Variants in UTRN observed in about 807,000 individuals in gnomAD.
UTRN encodes the protein utrophin.
Under a neutral mutation model 463.9 loss-of-function variants are expected in UTRN, and 283 were observed. That is an observed-to-expected ratio of 0.61 (90% CI 0.55 to 0.67). The LOEUF (loss-of-function observed/expected upper bound fraction) is 0.67. Ranked by LOEUF, UTRN falls within the 30% of genes least tolerant of loss-of-function variation. UTRN has a pLI of 0.00. For synonymous variants in UTRN, 1,442 were observed against 1,431.5 expected (o/e 1.01, Z -0.17); for missense variants, 3,922 against 4,084.3 (o/e 0.96, Z 1.08).
chr6:144,412,531 AT>A (rs1423173223), intron 3 of UTRN, among the ~76,000 whole-genome samples: 2 of 152,206 alleles, frequency 1.3e-5, no homozygotes, highest in East Asian at 3.9e-4. Flanking sequence ...GCATTAAATT[AT>A]TTCTTTTTGA....
At chr6:144,470,186 A>G (rs78272003) in intron 23 of UTRN, among the ~76,000 whole-genome samples, 1 of 152,148 alleles carries the variant, frequency 6.6e-6, no homozygotes, top group Non-Finnish European at 1.5e-5. Flanking sequence ...TGCCATCGTC[A>G]TCATGGCCCG....
intron 21 of UTRN, among the ~76,000 whole-genome samples, chr6:144,459,820 G>A (rs890004749): frequency 6.6e-6 from 1 of 151,878 alleles, no homozygotes. Context: ...GAACTCCTGG[G>A]CTCAAGTGAT....
chr6:144,410,665 A>T (rs1320475565), intron 3 of UTRN, among the ~76,000 whole-genome samples: 1 of 152,034 alleles, frequency 6.6e-6, no homozygotes, highest in Non-Finnish European at 1.5e-5. Flanking sequence ...ATGAGTCAGA[A>T]CATATGATGT....
At chr6:144,432,744 G>A (rs1314238080) in intron 9 of UTRN, among the ~76,000 whole-genome samples, 1 of 151,732 alleles carries the variant, frequency 6.6e-6, no homozygotes, top group Non-Finnish European at 1.5e-5. Context: ...GGGGGATTTG[G>A]CAGGGTCACA....
intron 51 of UTRN, among the ~76,000 whole-genome samples, chr6:144,633,882 C>G (rs1221548480): frequency 6.6e-6 from 1 of 152,206 alleles, no homozygotes; most frequent in Non-Finnish European, 1.5e-5. Context: ...TATTTCCTCA[C>G]TACTTGACTG....
chr6:144,631,501 G>C (rs1418784916), intron 51 of UTRN, among the ~76,000 whole-genome samples: 1 of 152,140 alleles, frequency 6.6e-6, no homozygotes, highest in African/African-American at 2.4e-5. Flanking sequence ...TGACTAATTT[G>C]TGGGGATACA....
intron 51 of UTRN, among the ~76,000 whole-genome samples, chr6:144,653,608 A>C (rs2128668346): frequency 6.6e-6 from 1 of 151,646 alleles, no homozygotes; most frequent in East Asian, 1.9e-4. Context: ...AAAAGAAATT[A>C]TCTCTCTTTT....
intron 41 of UTRN, among the ~76,000 whole-genome samples, chr6:144,526,647 T>A (rs1301348686): frequency 6.6e-6 from 1 of 152,130 alleles, no homozygotes; most frequent in Non-Finnish European, 1.5e-5. Flanking sequence ...CTATTCCGTA[T>A]CTTTTAAATG....
At chr6:144,593,898 C>T (rs1803372201) in intron 51 of UTRN, among the ~76,000 whole-genome samples, 1 of 152,098 alleles carries the variant, frequency 6.6e-6, no homozygotes, top group African/African-American at 2.4e-5. Flanking sequence ...CAAACACAGA[C>T]AGCATTTCCA....
intron 2 of UTRN, among the ~76,000 whole-genome samples, chr6:144,354,644 C>T (rs1325786114): frequency 1.3e-5 from 2 of 152,156 alleles, no homozygotes; most frequent in African/African-American, 4.8e-5. Flanking sequence ...CGGGCCTGTC[C>T]TCATGGTTCA....
chr6:144,427,951 A>G (rs769787763), intron 7 of UTRN, among the ~76,000 whole-genome samples: 13 of 152,168 alleles, frequency 8.5e-5, no homozygotes, highest in Non-Finnish European at 1.5e-4. Flanking sequence ...AATACATCAG[A>G]CAAGAGCAGA....
At chr6:144,579,579 T>C (rs1801764856) in intron 51 of UTRN, among the ~76,000 whole-genome samples, 1 of 152,218 alleles carries the variant, frequency 6.6e-6, no homozygotes, top group Non-Finnish European at 1.5e-5. Context: ...CTCTTCTCAA[T>C]ATTTAATGAA....
At chr6:144,818,618 A>C (rs1779289298) in intron 65 of UTRN, among the ~76,000 whole-genome samples, 1 of 152,252 alleles carries the variant, frequency 6.6e-6, no homozygotes, top group Admixed American at 6.5e-5. Context: ...ACAGTGTACT[A>C]AGAACAGACA....
Position 144,840,288 on chromosome 6 carries a change from A to G in UTRN, c.10178-452A>G, listed in dbSNP as rs191819076. On this transcript the variant is annotated intron_variant, in intron 72 of 74. Transcript: ENST00000367545. ...TAAAAAACACATCCTAGTGAAAAGT[A>G]TCTTAAATAAGATGCCTTTACTTTT... 8.9e-4 allele frequency among the ~76,000 whole-genome samples: 136 copies of G among 152,304 alleles called. 1 individual carries two copies. Among genetic ancestry groups the G allele is most frequent in the East Asian group, 7.7e-4 (4 of 5,192 alleles).
In UTRN at chr6:144,437,532, T is replaced by A. The variant is rs140234969; in HGVS notation, c.1060-33T>A. The A allele has an allele frequency of 1.5e-4, 225 of 1,548,016 alleles. No individual in the cohort carries two copies. In the African/African-American group the frequency reaches 2.7e-3, roughly 18 times the overall value. On this transcript the variant is annotated intron_variant, in intron 10 of 74. Coordinates refer to ENST00000367545, the MANE Select transcript of UTRN (RefSeq NM_007124.3). ...CTTCCTTTTTTTTTTTTGCACTGAG[T>A]AGCTCACAAATTATAACAATGTCCC...
chr6:144,533,504 G>A (rs1203605807), intron 43 of UTRN, among the ~76,000 whole-genome samples: 2 of 151,930 alleles, frequency 1.3e-5, no homozygotes, highest in African/African-American at 4.8e-5. Flanking sequence ...ATTTACAACT[G>A]CTTATTATGA....
At chr6:144,478,982 A>G (rs2128572318) in intron 25 of UTRN, among the ~76,000 whole-genome samples, 1 of 152,242 alleles carries the variant, frequency 6.6e-6, no homozygotes, top group African/African-American at 2.4e-5. Context: ...AGACATCAAA[A>G]CCAAAATTTT....
At chr6:144,611,064 C>T (rs569671656) in intron 51 of UTRN, among the ~76,000 whole-genome samples, 9 of 152,242 alleles carry the variant, frequency 5.9e-5, no homozygotes, top group African/African-American at 2.2e-4. Flanking sequence ...ATATGCAAAT[C>T]AATAAATGTG....
At chr6:144,303,349 A>G (rs575792278) in intron 2 of UTRN, among the ~76,000 whole-genome samples, 1 of 152,236 alleles carries the variant, frequency 6.6e-6, no homozygotes, top group Non-Finnish European at 1.5e-5. Flanking sequence ...TAGTAACAGT[A>G]TCTATAAAGC....
Sources: allele counts gnomAD v4.1 joint callset (sites outside exome capture counted in the v4.1 genomes callset), GRCh38; gene constraint gnomAD v4.1.1; transcripts MANE v1.5; gene names NCBI Gene and HGNC (gene_info 2026-07-23, HGNC 2026-07-21).